OTUD7A: variants seen among roughly 807,000 people sequenced by gnomAD.
The protein encoded by OTUD7A is OTU domain-containing protein 7A.
A neutral mutation model predicts 65.7 loss-of-function variants in OTUD7A; 12 were observed. The ratio of observed to expected loss-of-function variants is 0.18; its 90% CI spans 0.12 to 0.30. The LOEUF (loss-of-function observed/expected upper bound fraction) is 0.30. Among genes scored for constraint, OTUD7A ranks in the 10% least tolerant of loss-of-function variants. OTUD7A has a pLI of 1.00. For missense variants in OTUD7A, 1,148 were observed against 1,304.8 expected (o/e 0.88, Z 1.85); for synonymous variants, 641 against 586.3 (o/e 1.09, Z -1.35).
intron 3 of OTUD7A, among the ~76,000 whole-genome samples, chr15:31,628,609 G>GT (rs1279894128): frequency 3.3e-5 from 5 of 152,152 alleles, no homozygotes; most frequent in Non-Finnish European, 5.9e-5. Flanking sequence ...CTTTAAAGTA[G>GT]TTTTTTCCAA....
intron 1 of OTUD7A, among the ~76,000 whole-genome samples, chr15:31,801,138 T>G (rs1320588500): frequency 6.7e-6 from 1 of 150,150 alleles, no homozygotes; most frequent in African/African-American, 2.5e-5. Flanking sequence ...ACACTGCAAC[T>G]AGTCCTCCTA....
Position 31,483,543 on chromosome 15 carries a change from G to C in OTUD7A, c.2553C>G (p.Ala851=). ...LPGAAGTAGA[A]EHKSQTYTNG... ...TGGTGTAGGTCTGCGACTTGTGCTCGGCCGCCCCCGCCGTCCCCGCCGCGC... is the reference window on the plus strand; with the variant it reads ...TGGTGTAGGTCTGCGACTTGTGCTCCGCCGCCCCCGCCGTCCCCGCCGCGC... The change falls in exon 13 of 13, where the codon GCC becomes GCG. Residue 851 remains alanine (A), a synonymous_variant. Transcript: ENST00000307050. 7.5e-7 allele frequency: 1 copy of C among 1,336,232 alleles called. No individual in the cohort carries two copies. Among genetic ancestry groups the C allele is most frequent in the Non-Finnish European group, 9.6e-7 (1 of 1,038,888 alleles). The allele number at this position is 1,336,232 out of a possible 1,614,324, so 82.8% of individuals were successfully genotyped here.
chr15:31,564,050 T>C (rs1324923768), intron 4 of OTUD7A, among the ~76,000 whole-genome samples: 1 of 151,674 alleles, frequency 6.6e-6, no homozygotes, highest in Non-Finnish European at 1.5e-5. Context: ...AAGAGATAAA[T>C]AGAATATCAG....
intron 1 of OTUD7A, among the ~76,000 whole-genome samples, chr15:31,785,170 C>A (rs1175133352): frequency 6.6e-6 from 1 of 152,152 alleles, no homozygotes; most frequent in East Asian, 1.9e-4. Flanking sequence ...CTAGACCATG[C>A]AAGTACACTT....
intron 8 of OTUD7A, among the ~76,000 whole-genome samples, chr15:31,505,079 G>A (rs969901014): frequency 6.6e-6 from 1 of 152,126 alleles, no homozygotes; most frequent in South Asian, 2.1e-4. Context: ...ATACTTGCTC[G>A]CAGTTTTGTT....
intron 3 of OTUD7A, among the ~76,000 whole-genome samples, chr15:31,592,820 C>T (rs561405898): frequency 1.5e-5 from 2 of 133,484 alleles, no homozygotes; most frequent in East Asian, 4.7e-4. Flanking sequence ...GCGGCGCTTG[C>T]AGTGAGCCGA....
chr15:31,603,760 A>C (rs1168707203), intron 3 of OTUD7A, among the ~76,000 whole-genome samples: 2 of 152,206 alleles, frequency 1.3e-5, no homozygotes, highest in Admixed American at 6.5e-5. Flanking sequence ...AAAAACAAAC[A>C]ACCCCACCAA....
chr15:31,786,427 T>G (rs1396652275), intron 1 of OTUD7A, among the ~76,000 whole-genome samples: 3 of 152,162 alleles, frequency 2.0e-5, no homozygotes, highest in Admixed American at 6.5e-5. Context: ...GTGGACAGAG[T>G]GTCTCATTAC....
chr15:31,592,155 T>C (rs1889745603), intron 3 of OTUD7A, among the ~76,000 whole-genome samples: 1 of 152,220 alleles, frequency 6.6e-6, no homozygotes, highest in Non-Finnish European at 1.5e-5. Flanking sequence ...GACATTACTG[T>C]ACACTACTGT....
intron 4 of OTUD7A, among the ~76,000 whole-genome samples, chr15:31,559,969 G>A (rs1403487419): frequency 6.6e-6 from 1 of 152,192 alleles, no homozygotes; most frequent in Non-Finnish European, 1.5e-5. Context: ...TTATTCACAA[G>A]AGTCATGAAA....
At chr15:31,863,594 G>A (rs1005415026) in intron 1 of OTUD7A, among the ~76,000 whole-genome samples, 10 of 152,184 alleles carry the variant, frequency 6.6e-5, no homozygotes, top group Non-Finnish European at 1.2e-4. Context: ...GGCCACGGGT[G>A]GAATGGCTGA....
chr15:31,567,940 G>T lies in OTUD7A; in HGVS notation c.331+2078C>A, dbSNP rs150632385. ...AATGAGGTTTGGCAACCTCTGCCTA[G>T]ATTTCAGAGGATGTATGGAAAAGCC... On this transcript the variant is annotated intron_variant, in intron 4 of 12. Transcript: ENST00000307050. Among the ~76,000 whole-genome samples, 5 of 152,384 alleles carry T rather than the reference G, an allele frequency of 3.3e-5. No homozygotes were observed. The East Asian group carries it at 9.6e-4, about 29-fold the overall frequency.
At chr15:31,857,511 T>C (rs528462763) in intron 1 of OTUD7A, among the ~76,000 whole-genome samples, 1 of 151,956 alleles carries the variant, frequency 6.6e-6, no homozygotes, top group South Asian at 2.1e-4. Context: ...GGAAATCACA[T>C]AGGGATGGCA....
At chr15:31,862,404 G>C (rs1415728305) in intron 1 of OTUD7A, among the ~76,000 whole-genome samples, 1 of 152,136 alleles carries the variant, frequency 6.6e-6, no homozygotes, top group African/African-American at 2.4e-5. Flanking sequence ...GCTTGTATTA[G>C]TTCATTTTCA....
Position 31,807,111 on chromosome 15 carries a change from C to T in OTUD7A, c.-100+63396G>A, listed in dbSNP as rs542595504. 1.3e-4 allele frequency among the ~76,000 whole-genome samples: 20 copies of T among 152,350 alleles called. No individual in the cohort carries two copies. In the South Asian group the frequency reaches 3.9e-3, roughly 30 times the overall value. On this transcript the variant is annotated intron_variant, in intron 1 of 12. Transcript: ENST00000307050. ...TCCCTTATTTGTCAGTTCCTATGTG[C>T]CTGGCAATGTACTAGTCTTTTTATA...
At chr15:31,830,653 C>T (rs1896907268) in intron 1 of OTUD7A, among the ~76,000 whole-genome samples, 7 of 152,228 alleles carry the variant, frequency 4.6e-5, no homozygotes, top group Admixed American at 3.9e-4. Flanking sequence ...GAACTGACCT[C>T]CCACTTATAC....
intron 1 of OTUD7A, chr15:31,766,627 G>T: frequency 6.2e-7 from 1 of 1,605,494 alleles, no homozygotes. Flanking sequence ...ATTCCTTCTT[G>T]TACTACTTGT....
chr15:31,863,412 T>G (rs1897796197), intron 1 of OTUD7A, among the ~76,000 whole-genome samples: 2 of 152,178 alleles, frequency 1.3e-5, no homozygotes, highest in African/African-American at 4.8e-5. Context: ...GCAGCAAACT[T>G]TTACCTGGGC....
intron 3 of OTUD7A, 110 bp downstream of exon 3, chr15:31,654,986 A>C: frequency 1.5e-6 from 2 of 1,349,820 alleles, no homozygotes; most frequent in South Asian, 3.2e-5. Context: ...AACACAAAGC[A>C]AAGCCCACTT....
Sources: gnomAD v4.1 joint callset for allele counts (sites outside exome capture counted in the v4.1 genomes callset) on GRCh38, gnomAD v4.1.1 for gene constraint, MANE v1.5 for transcripts, NCBI Gene and HGNC (gene_info 2026-07-23, HGNC 2026-07-21) for gene names.